The following ATG5 variants were observed in gnomAD, a reference collection of about 807,000 sequenced individuals.
The protein encoded by ATG5 is autophagy protein 5.
Under a neutral mutation model 36.5 loss-of-function variants are expected in ATG5, and 14 were observed. The ratio of observed to expected loss-of-function variants is 0.38; its 90% confidence interval spans 0.25 to 0.60. The LOEUF (loss-of-function observed/expected upper bound fraction) is 0.60. ATG5 is among the 20% of genes least tolerant of loss of function. The pLI is 0.60. For synonymous variants in ATG5, 95 were observed against 101.5 expected (o/e 0.94, Z 0.38); for missense variants, 195 against 326.7 (o/e 0.60, Z 3.11).
At chr6:106,244,296 T>C (rs1351940966) in intron 6 of ATG5, among the ~76,000 whole-genome samples, 1 of 152,192 alleles carries the variant, frequency 6.6e-6, no homozygotes, top group African/African-American at 2.4e-5. Context: ...GAATGATCTT[T>C]GTTGAATAAA....
chr6:106,221,756 C>T (rs1221278900), intron 6 of ATG5, among the ~76,000 whole-genome samples: 1 of 150,704 alleles, frequency 6.6e-6, no homozygotes, highest in South Asian at 2.1e-4. Context: ...CTTATGTTTA[C>T]TATATCTACT....
chr6:106,187,830 GCA>G (rs974837737), intron 7 of ATG5, among the ~76,000 whole-genome samples: 1 of 152,128 alleles, frequency 6.6e-6, no homozygotes, highest in Non-Finnish European at 1.5e-5. Context: ...GTTAGAGGCA[GCA>G]CAGTCCCAGG....
intron 6 of ATG5, among the ~76,000 whole-genome samples, chr6:106,232,054 G>A (rs1777715572): frequency 6.6e-6 from 1 of 152,220 alleles, no homozygotes; most frequent in African/African-American, 2.4e-5. Context: ...CACTGCCCCA[G>A]GGGACGTAGG....
chr6:106,251,744 A>AAAGAAAG (rs1778598790), intron 5 of ATG5, among the ~76,000 whole-genome samples: 1 of 149,692 alleles, frequency 6.7e-6, no homozygotes, highest in Admixed American at 6.7e-5. Context: ...AGAAAGAAAG[A>AAAGAAAG]AAAGAAAGAA....
chr6:106,285,021 G>T (rs187553417), intron 4 of ATG5, among the ~76,000 whole-genome samples: 1 of 152,124 alleles, frequency 6.6e-6, no homozygotes, highest in African/African-American at 2.4e-5. Flanking sequence ...TATTTCTTCT[G>T]ACCCATTCTC....
chr6:106,301,165 G>A (rs1770190577), intron 3 of ATG5, among the ~76,000 whole-genome samples: 1 of 152,014 alleles, frequency 6.6e-6, no homozygotes, highest in South Asian at 2.1e-4. Flanking sequence ...ATCTCAGTCT[G>A]AAGAAAGAGA....
rs188807514 is a variant in ATG5 at position 106,298,280 on chromosome 6, A to T, written c.237-5174T>A. On this transcript the variant is annotated intron_variant, in intron 3 of 7. Transcript: ENST00000369076. ...AGCGCTAGCCTGTCAAAATCTTAAAATTTTTTTTTAAATTTCATTGGTCCC... is the reference window on the plus strand; with the variant it reads ...AGCGCTAGCCTGTCAAAATCTTAAATTTTTTTTTTAAATTTCATTGGTCCC... 3.5e-4 allele frequency among the ~76,000 whole-genome samples: 53 copies of T among 151,944 alleles called. 4 individuals carry two copies. In the East Asian group the frequency reaches 9.7e-3, roughly 28 times the overall value.
chr6:106,186,430 G>A lies in ATG5; in HGVS notation c.*110C>T, dbSNP rs147026203. ...TTTTTCCTGTCTGGCTTGCAGCAGC[G>A]AAGTGTTTCTGGTCAGGTTGCCTCC... On this transcript the variant is annotated 3_prime_UTR_variant, in exon 8 of 8. Transcript: ENST00000369076. The A allele has an allele frequency of 1.2e-4, 153 of 1,297,010 alleles. 1 individual carries two copies. The African/African-American group carries it at 2.0e-3, about 17-fold the overall frequency. The allele number at this position is 1,297,010 out of a possible 1,614,324, so 80.3% of individuals were successfully genotyped here. A position where few individuals can be genotyped will look rare whatever the true frequency, so the allele number is the denominator to read the frequency against.
In ATG5 at chr6:106,194,772, G is replaced by A. The variant is rs142501949; in HGVS notation, c.691+7200C>T. On this transcript the variant is annotated intron_variant, in intron 7 of 7. Coordinates refer to ENST00000369076, the MANE Select transcript of ATG5 (RefSeq NM_004849.4). ...GGCTGGTCTCTAACTCCTGACCTCA[G>A]GTGATCCACCCGCCTAGCTTACCAC... Among the ~76,000 whole-genome samples the A allele has an allele frequency of 3.7e-3, 560 of 152,170 alleles. 2 individuals are homozygous for A. The highest frequency in any genetic ancestry group is 0.014 in the Middle Eastern group (4 of 294).
intron 7 of ATG5, among the ~76,000 whole-genome samples, chr6:106,196,714 A>G (rs937245858): frequency 7.5e-6 from 1 of 133,392 alleles, no homozygotes; most frequent in Non-Finnish European, 1.6e-5. Context: ...CAGAGTGAGA[A>G]TCAGTCTCAA....
intron 6 of ATG5, among the ~76,000 whole-genome samples, chr6:106,217,089 T>C (rs12203594): frequency 6.6e-6 from 1 of 151,998 alleles, no homozygotes; most frequent in African/African-American, 2.4e-5. Flanking sequence ...GTGGGTTTTT[T>C]AAAAAAATTA....
intron 6 of ATG5, among the ~76,000 whole-genome samples, chr6:106,216,972 A>T (rs1185847247): frequency 6.6e-6 from 1 of 151,946 alleles, no homozygotes; most frequent in Non-Finnish European, 1.5e-5. Flanking sequence ...AAAAAAAAAA[A>T]AGTTATCATA....
At chr6:106,318,759 C>G (rs1319698674) in intron 1 of ATG5, among the ~76,000 whole-genome samples, 2 of 152,118 alleles carry the variant, frequency 1.3e-5, no homozygotes, top group African/African-American at 4.8e-5. Context: ...CTTACTGCCT[C>G]AAAATACACA....
At chr6:106,265,083 T>C (rs1779175234) in intron 5 of ATG5, among the ~76,000 whole-genome samples, 1 of 149,758 alleles carries the variant, frequency 6.7e-6, no homozygotes, top group African/African-American at 2.5e-5. Context: ...CAGTGTGCTG[T>C]ATTCAGGAGA....
intron 5 of ATG5, among the ~76,000 whole-genome samples, chr6:106,264,139 G>C (rs1460152705): frequency 1.3e-5 from 2 of 152,144 alleles, no homozygotes; most frequent in Non-Finnish European, 1.5e-5. Flanking sequence ...CCCGTTTTGA[G>C]AGGAACACAA....
rs187028993 is a variant in ATG5 at position 106,190,401 on chromosome 6, C to T, written c.692-3725G>A. Among the ~76,000 whole-genome samples, 8 of 152,274 alleles carry T rather than the reference C, an allele frequency of 5.3e-5. No homozygotes were observed. The East Asian group carries it at 1.5e-3, about 29-fold the overall frequency. On this transcript the variant is annotated intron_variant, in intron 7 of 7. Coordinates refer to ENST00000369076, the MANE Select transcript of ATG5 (RefSeq NM_004849.4). The stretch of plus-strand genomic sequence containing the variant: ...AGAGCCCTCATGACTTAAACACCCC[C>T]CAAAAAGCCTCACCTCCCAACACTG...
chr6:106,263,995 T>TGA (rs1779128693), intron 5 of ATG5, among the ~76,000 whole-genome samples: 1 of 151,978 alleles, frequency 6.6e-6, no homozygotes, highest in Admixed American at 6.6e-5. Flanking sequence ...AGAATGAAGT[T>TGA]GATGAATTGA....
intron 5 of ATG5, among the ~76,000 whole-genome samples, chr6:106,267,352 T>C (rs567373242): frequency 6.6e-6 from 1 of 152,216 alleles, no homozygotes; most frequent in East Asian, 1.9e-4. Flanking sequence ...CACAAACAAA[T>C]GGAAAAACAT....
chr6:106,269,988 T>C (rs1779391050), intron 5 of ATG5, among the ~76,000 whole-genome samples: 1 of 152,220 alleles, frequency 6.6e-6, no homozygotes, highest in African/African-American at 2.4e-5. Context: ...TGTATTGCAC[T>C]GCGAAATAAC....
Sources: gnomAD v4.1 joint callset for allele counts (sites outside exome capture counted in the v4.1 genomes callset) on GRCh38, gnomAD v4.1.1 for gene constraint, MANE v1.5 for transcripts, NCBI Gene and HGNC (gene_info 2026-07-23, HGNC 2026-07-21) for gene names.